The following FAM222B variants were observed in gnomAD, a reference collection of about 807,000 sequenced individuals.
FAM222B encodes protein FAM222B.
In FAM222B, 12 loss-of-function variants were observed where a neutral mutation model predicts 38.0. That is an observed-to-expected ratio of 0.32 (90% CI 0.20 to 0.51). FAM222B has a LOEUF of 0.51. FAM222B is among the 20% of genes least tolerant of loss of function. The pLI, the probability that FAM222B is intolerant of heterozygous loss-of-function variation, is 0.97. For synonymous variants in FAM222B, 329 were observed against 317.2 expected, an observed-to-expected ratio of 1.04 and a Z score of -0.40; for missense variants, 716 against 754.2, an observed-to-expected ratio of 0.95 and a Z score of 0.59.
chr17:28,787,399 T>A (rs1214507590), intron 1 of FAM222B, among the ~76,000 whole-genome samples: 1 of 152,226 alleles, frequency 6.6e-6, no homozygotes, highest in Non-Finnish European at 1.5e-5. Context: ...TGATATGTAA[T>A]AACCTTTGTC....
chr17:28,775,544 A>C (rs2035848340), intron 1 of FAM222B, among the ~76,000 whole-genome samples: 1 of 151,802 alleles, frequency 6.6e-6, no homozygotes, highest in South Asian at 2.1e-4. Flanking sequence ...CTTCTGATTC[A>C]TGCTGTGGCT....
intron 1 of FAM222B, among the ~76,000 whole-genome samples, chr17:28,828,952 G>C (rs540274298): frequency 1.3e-5 from 2 of 151,626 alleles, no homozygotes; most frequent in Admixed American, 6.6e-5. Context: ...TCACCGGGCT[G>C]AAGTGCAGTA....
chr17:28,847,247 T>C (rs530469269), upstream of FAM222B, among the ~76,000 whole-genome samples: 2 of 147,744 alleles, frequency 1.4e-5, no homozygotes, highest in African/African-American at 5.0e-5. Context: ...AAAGAAAAAA[T>C]CTAAAACTTC....
chr17:28,795,119 C>G (rs1272422225), intron 1 of FAM222B, among the ~76,000 whole-genome samples: 1 of 151,770 alleles, frequency 6.6e-6, no homozygotes, highest in Non-Finnish European at 1.5e-5. Context: ...CCTAAAATTC[C>G]TATACAGCAA....
intron 1 of FAM222B, among the ~76,000 whole-genome samples, chr17:28,815,418 G>A (rs955205913): frequency 1.1e-4 from 16 of 151,830 alleles, no homozygotes; most frequent in African/African-American, 3.9e-4. Flanking sequence ...GTTTCACCGT[G>A]TTAGCCAGGA....
intron 1 of FAM222B, among the ~76,000 whole-genome samples, chr17:28,781,069 T>C (rs1447353691): frequency 2.0e-5 from 3 of 152,026 alleles, no homozygotes; most frequent in Admixed American, 1.3e-4. Context: ...TCCAAAGACA[T>C]ACAAATGGCC....
intron 1 of FAM222B, chr17:28,834,425 G>A: frequency 6.6e-6 from 1 of 152,078 alleles, no homozygotes; most frequent in East Asian, 1.9e-4. Context: ...CATACCCCAT[G>A]ATCCTGCCAC....
chr17:28,807,655 G>A (rs1477864877), intron 1 of FAM222B, among the ~76,000 whole-genome samples: 1 of 152,146 alleles, frequency 6.6e-6, no homozygotes, highest in African/African-American at 2.4e-5. Context: ...TGAAGTGTTG[G>A]GATTACAAGC....
intron 1 of FAM222B, among the ~76,000 whole-genome samples, chr17:28,792,889 T>C (rs2036768946): frequency 6.6e-6 from 1 of 151,832 alleles, no homozygotes; most frequent in African/African-American, 2.4e-5. Context: ...TTCACCACCA[T>C]CTCTTTAACT....
intron 1 of FAM222B, among the ~76,000 whole-genome samples, chr17:28,834,035 T>C (rs528259925): frequency 3.9e-5 from 6 of 152,318 alleles, no homozygotes; most frequent in African/African-American, 1.4e-4. Context: ...CAACTCCATC[T>C]TTGACAACTC....
chr17:28,801,034 T>C (rs2037193639), intron 1 of FAM222B, among the ~76,000 whole-genome samples: 1 of 151,380 alleles, frequency 6.6e-6, no homozygotes, highest in South Asian at 2.1e-4. Context: ...GGCAGGCGCC[T>C]GTAACCCAGC....
chr17:28,811,904 C>CT (rs1455021180), intron 1 of FAM222B, among the ~76,000 whole-genome samples: 5 of 151,930 alleles, frequency 3.3e-5, no homozygotes, highest in African/African-American at 4.8e-5. Flanking sequence ...CTTGCCTTTT[C>CT]TTTTTTTTAA....
At chr17:28,767,528 T>A (rs981518390) in intron 1 of FAM222B, among the ~76,000 whole-genome samples, 1 of 151,764 alleles carries the variant, frequency 6.6e-6, no homozygotes, top group South Asian at 2.1e-4. Context: ...TAGGCTGGAG[T>A]GCAGTGGTAC....
intron 1 of FAM222B, among the ~76,000 whole-genome samples, chr17:28,825,006 C>T (rs908446312): frequency 2.4e-4 from 36 of 152,104 alleles, no homozygotes; most frequent in Admixed American, 2.2e-3. Flanking sequence ...CTCGGTGATC[C>T]GCCCGCCTTG....
chr17:28,781,623 G>C (rs2036172918), intron 1 of FAM222B, among the ~76,000 whole-genome samples: 1 of 152,124 alleles, frequency 6.6e-6, no homozygotes, highest in Non-Finnish European at 1.5e-5. Flanking sequence ...CCAAGATATG[G>C]AATCAGCCTA....
At chr17:28,842,462 T>TC (rs1472615727) in intron 1 of FAM222B, among the ~76,000 whole-genome samples, 2 of 152,004 alleles carry the variant, frequency 1.3e-5, no homozygotes, top group African/African-American at 4.8e-5. Context: ...GCTGCTTCAC[T>TC]CCACAGCACG....
At chr17:28,845,386 C>G (rs2039138250), upstream of FAM222B, among the ~76,000 whole-genome samples, 1 of 147,274 alleles carries the variant, frequency 6.8e-6, no homozygotes, top group African/African-American at 2.5e-5. Context: ...GGGGACAGAG[C>G]GAGACTCCAT....
intron 2 of FAM222B, among the ~76,000 whole-genome samples, chr17:28,765,603 T>C (rs1468792222): frequency 1.3e-5 from 2 of 152,218 alleles, no homozygotes; most frequent in African/African-American, 4.8e-5. Flanking sequence ...TTTTTACACC[T>C]GAAGATACTA....
Position 28,759,155 on chromosome 17 carries a change from G to C in FAM222B, c.804C>G (p.Ile268Met). 1 of 1,612,664 alleles carries C rather than the reference G, an allele frequency of 6.2e-7. No individual in the cohort carries two copies. Among genetic ancestry groups the C allele is most frequent in the Non-Finnish European group, 8.5e-7 (1 of 1,179,344 alleles). The change falls in exon 3 of 3, where the codon ATC becomes ATG. Residue 268 changes from isoleucine (I) to methionine (M), a missense_variant. Ile to Met is a conservative substitution (Grantham distance 10). Transcript: ENST00000581407. This position sits in a 1 kb window ranked among gnomAD's most constrained non-coding sequence, Gnocchi z 4.8. ...QHSQPPDLSS[I>M]VHQINQFCQT... is the part of the protein sequence containing the mutation. Reference sequence around the variant, plus strand: ...GGCAAAACTGGTTGATCTGGTGCACGATGCTACTCAGGTCCGGAGGCTGGC... The same window carrying C: ...GGCAAAACTGGTTGATCTGGTGCACCATGCTACTCAGGTCCGGAGGCTGGC...
Sources: gnomAD v4.1 joint callset for allele counts (sites outside exome capture counted in the v4.1 genomes callset) on GRCh38, gnomAD v4.1.1 for gene constraint, Gnocchi (gnomAD v3.1) non-coding constraint, MANE v1.5 for transcripts, NCBI Gene and HGNC (gene_info 2026-07-23, HGNC 2026-07-21) for gene names.